CUX1: variants seen among roughly 807,000 people sequenced by gnomAD.
CUX1 encodes the protein protein CASP.
CUX1 carries 31 observed loss-of-function variants against 158.8 expected under a neutral mutation model. The observed-to-expected ratio is 0.20, with a 90% confidence interval of 0.15 to 0.26. The LOEUF is 0.26. CUX1 is among the 10% of genes least tolerant of loss of function. The pLI is 1.00. For synonymous variants in CUX1, 879 were observed against 862.1 expected, an observed-to-expected ratio of 1.02 and a Z score of -0.34; for missense variants, 1,589 against 2,014.6, an observed-to-expected ratio of 0.79 and a Z score of 4.04.
At chr7:101,903,946 A>G (rs1333166785) in intron 1 of CUX1, among the ~76,000 whole-genome samples, 1 of 152,132 alleles carries the variant, frequency 6.6e-6, no homozygotes, top group Non-Finnish European at 1.5e-5. Flanking sequence ...ACCAAATTAT[A>G]ATTTTTTATT....
At chr7:101,938,134 A>C (rs1248940005) in intron 2 of CUX1, among the ~76,000 whole-genome samples, 1 of 145,284 alleles carries the variant, frequency 6.9e-6, no homozygotes, top group African/African-American at 2.6e-5. Context: ...TTTTTTTTTG[A>C]GACAGTCTCA....
chr7:101,931,389 T>C (rs777652025), intron 2 of CUX1, among the ~76,000 whole-genome samples: 29 of 152,306 alleles, frequency 1.9e-4, no homozygotes, highest in Middle Eastern at 3.4e-3. Context: ...GCAGCTGATA[T>C]TTAGTGAGCA....
At chr7:102,199,911 A>G (rs1374692845) in intron 16 of CUX1, among the ~76,000 whole-genome samples, 160 bp from the exon 17 acceptor site, 1 of 152,220 alleles carries the variant, frequency 6.6e-6, no homozygotes, top group Non-Finnish European at 1.5e-5. Flanking sequence ...GTCGCTGTGA[A>G]GTTGCACTCA....
chr7:101,921,355 TG>T (rs2129096170), intron 2 of CUX1, among the ~76,000 whole-genome samples: 1 of 152,342 alleles, frequency 6.6e-6, no homozygotes, highest in Admixed American at 6.5e-5. Flanking sequence ...AGCATTAACC[TG>T]GGAATACTCA....
chr7:102,060,853 C>T (rs1340469454), intron 3 of CUX1, among the ~76,000 whole-genome samples: 1 of 148,876 alleles, frequency 6.7e-6, no homozygotes, highest in African/African-American at 2.5e-5. Flanking sequence ...ACCTTGTGAT[C>T]TGCCCACCTC....
At chr7:102,273,456 T>G (rs1791375552) in exon 15 of CUX1, 1 of 1,613,348 alleles carries the variant, frequency 6.2e-7, no homozygotes, top group Non-Finnish European at 8.5e-7. Context: ...GAGCAGGACC[T>G]GAGCATCATT....
intron 6 of CUX1, among the ~76,000 whole-genome samples, chr7:102,110,890 C>A (rs1259782399): frequency 6.6e-6 from 1 of 152,192 alleles, no homozygotes; most frequent in Non-Finnish European, 1.5e-5. Flanking sequence ...AAGACTCTTT[C>A]ACTTCCCATG....
chr7:102,144,349 A>G (rs1298181698), intron 8 of CUX1, among the ~76,000 whole-genome samples: 2 of 152,026 alleles, frequency 1.3e-5, no homozygotes, highest in African/African-American at 4.8e-5. Flanking sequence ...TTTCCGACGT[A>G]CGCGTGACCT....
intron 7 of CUX1, among the ~76,000 whole-genome samples, chr7:102,113,273 CT>C (rs1831117899): frequency 6.6e-6 from 1 of 152,136 alleles, no homozygotes; most frequent in Non-Finnish European, 1.5e-5. Flanking sequence ...GAGTCTTGCT[CT>C]GTTGCCCAGG....
At chr7:102,108,306 T>C (rs1219117815) in intron 6 of CUX1, among the ~76,000 whole-genome samples, 6 of 152,196 alleles carry the variant, frequency 3.9e-5, no homozygotes, top group African/African-American at 1.4e-4. Flanking sequence ...ATTACCACAA[T>C]GTGGAAATAA....
intron 19 of CUX1, among the ~76,000 whole-genome samples, chr7:102,280,645 G>C (rs1432774564): frequency 6.6e-6 from 1 of 152,056 alleles, no homozygotes; most frequent in Non-Finnish European, 1.5e-5. Context: ...AGTAGACTGT[G>C]CACCCAGGGA....
chr7:102,132,467 T>C (rs1403376662), intron 8 of CUX1, among the ~76,000 whole-genome samples: 1 of 151,960 alleles, frequency 6.6e-6, no homozygotes, highest in Non-Finnish European at 1.5e-5. Context: ...TCTCCGTAAC[T>C]TCCCCCTTCC....
At chr7:102,045,964 C>G (rs1822734219) in intron 3 of CUX1, among the ~76,000 whole-genome samples, 2 of 152,166 alleles carry the variant, frequency 1.3e-5, no homozygotes, top group African/African-American at 2.4e-5. Flanking sequence ...CATGGGGTTT[C>G]TGAATCTCCC....
In CUX1 at chr7:102,274,602, C is replaced by T. The variant is rs1267994535; in HGVS notation, c.1450+292C>T. On this transcript the variant is annotated intron_variant, in intron 16 of 22. Transcript: ENST00000292538. ...CTGCACTCCAGCCTGGGCGACAGAC[C>T]GAGACCCTGTCTCTAAAAAACAAAA... Among the ~76,000 whole-genome samples the T allele has an allele frequency of 3.3e-5, 5 of 152,170 alleles. No individual in the cohort carries two copies. In the East Asian group the frequency reaches 9.6e-4, roughly 29 times the overall value.
chr7:102,279,036 C>A lies in CUX1; in HGVS notation c.1680+971C>A, dbSNP rs1342407579. The stretch of plus-strand genomic sequence containing the variant: ...GCCCAGGTGACAGAGCAAGACCCTG[C>A]CTCCAAAAAATAAAAATAAATAGGC... On this transcript the variant is annotated intron_variant, in intron 18 of 22. Coordinates refer to the CUX1 transcript ENST00000292538. Among the ~76,000 whole-genome samples, 3 of 151,622 alleles carry A rather than the reference C, an allele frequency of 2.0e-5. 1 individual carries two copies. The highest frequency in any genetic ancestry group is 2.0e-4 in the Admixed American group (3 of 15,194).
Position 101,843,385 on chromosome 7 carries a change from T to C in CUX1, c.30+25716T>C, listed in dbSNP as rs994987332. On this transcript the variant is annotated intron_variant, in intron 1 of 23. Transcript: ENST00000292535. Reference sequence around the variant, plus strand: ...TGTTATATTAGGATTTCTGCCATCTTATTTTGTGTTTTCTGCTTACCATTA... The same window carrying C: ...TGTTATATTAGGATTTCTGCCATCTCATTTTGTGTTTTCTGCTTACCATTA... 2.6e-5 allele frequency among the ~76,000 whole-genome samples: 4 copies of C among 152,318 alleles called. No homozygotes were observed. In the East Asian group the frequency reaches 7.7e-4, roughly 29 times the overall value.
At chr7:101,825,817 A>G (rs555321999) in intron 1 of CUX1, among the ~76,000 whole-genome samples, 247 of 141,138 alleles carry the variant, frequency 1.8e-3, no homozygotes, top group Non-Finnish European at 3.3e-3. Context: ...GCGCGCAGTT[A>G]GTCTTCGGGG....
chr7:102,161,605 A>T (rs1046282184), intron 9 of CUX1, among the ~76,000 whole-genome samples: 3 of 152,114 alleles, frequency 2.0e-5, no homozygotes, highest in South Asian at 2.1e-4. Flanking sequence ...TCCATTTTTT[A>T]AATTTATTTA....
exon 23 of CUX1, chr7:102,283,093 C>G: frequency 1.2e-6 from 2 of 1,613,160 alleles, no homozygotes; most frequent in Admixed American, 3.3e-5. Flanking sequence ...GGCAGTGATA[C>G]CCCGGGGCCT....
Sources: allele counts gnomAD v4.1 joint callset (sites outside exome capture counted in the v4.1 genomes callset), GRCh38; gene constraint gnomAD v4.1.1; transcripts MANE v1.5; gene names NCBI Gene and HGNC (gene_info 2026-07-23, HGNC 2026-07-21).